Variants in MEI4 observed in about 807,000 individuals in gnomAD.
MEI4 encodes the protein meiosis-specific protein MEI4.
MEI4 carries 27 observed loss-of-function variants against 31.4 expected under a neutral mutation model. That is an observed-to-expected ratio of 0.86 (90% CI 0.63 to 1.19). The LOEUF is 1.19. MEI4 is among the 50% of genes most tolerant of loss of function. The pLI, the probability that MEI4 is intolerant of heterozygous loss-of-function variation, is 0.00. For synonymous variants in MEI4, 122 were observed against 145.4 expected (o/e 0.84, Z 1.16); for missense variants, 329 against 398.9 (o/e 0.82, Z 1.49).
intron 3 of MEI4, among the ~76,000 whole-genome samples, chr6:77,818,167 T>C (rs1457822083): frequency 6.6e-6 from 1 of 152,200 alleles, no homozygotes; most frequent in African/African-American, 2.4e-5. Context: ...CATTGCTGCC[T>C]AGCCTGTTTT....
intron 2 of MEI4, among the ~76,000 whole-genome samples, chr6:77,741,415 C>G (rs56773365): frequency 0.023 from 3,455 of 152,044 alleles, 135 homozygotes; most frequent in African/African-American, 0.078. Flanking sequence ...TAGAGGAGAA[C>G]AGAACCAGAA....
chr6:77,730,333 G>A (rs1766944014), intron 2 of MEI4, among the ~76,000 whole-genome samples: 1 of 152,076 alleles, frequency 6.6e-6, no homozygotes, highest in South Asian at 2.1e-4. Flanking sequence ...CCATGACTTT[G>A]ACCTTATTCT....
intron 2 of MEI4, among the ~76,000 whole-genome samples, chr6:77,745,713 C>G (rs865990840): frequency 2.6e-5 from 4 of 152,032 alleles, no homozygotes; most frequent in African/African-American, 7.2e-5. Flanking sequence ...TGACCACATA[C>G]TGGGAAGTAA....
chr6:77,917,711 G>T (rs1197530907), intron 4 of MEI4, among the ~76,000 whole-genome samples: 1 of 145,422 alleles, frequency 6.9e-6, no homozygotes, highest in Non-Finnish European at 1.5e-5. Context: ...CTCCCATTTT[G>T]TAGGTTGCCT....
At chr6:77,650,477 C>T (rs918457723), upstream of MEI4, among the ~76,000 whole-genome samples, 1 of 152,332 alleles carries the variant, frequency 6.6e-6, no homozygotes, top group East Asian at 1.9e-4. Context: ...ACCTGCGGGG[C>T]AGCACGTGGA....
intron 4 of MEI4, among the ~76,000 whole-genome samples, chr6:77,894,187 TTAAA>T (rs1443355791): frequency 1.3e-5 from 2 of 152,286 alleles, no homozygotes; most frequent in East Asian, 3.9e-4. Context: ...GTTTGAAATA[TTAAA>T]TAATATCATA....
chr6:77,906,624 C>T (rs530668482), intron 4 of MEI4, among the ~76,000 whole-genome samples: 1 of 152,232 alleles, frequency 6.6e-6, no homozygotes, highest in African/African-American at 2.4e-5. Flanking sequence ...AGTTTGCTAG[C>T]CCTTTTATAT....
intron 4 of MEI4, among the ~76,000 whole-genome samples, chr6:77,919,766 A>G (rs1188819301): frequency 1.3e-5 from 2 of 149,846 alleles, no homozygotes; most frequent in South Asian, 2.1e-4. Context: ...ACTAATAAAG[A>G]AAAAAAGAGA....
chr6:77,700,915 C>T (rs6917773), intron 2 of MEI4, among the ~76,000 whole-genome samples: 20,998 of 151,742 alleles, frequency 0.14, 1,537 homozygotes, highest in Middle Eastern at 0.21. Flanking sequence ...TACTTAAATG[C>T]GCTTTACTAA....
intron 3 of MEI4, among the ~76,000 whole-genome samples, chr6:77,788,083 C>T (rs938055930): frequency 1.3e-5 from 2 of 152,162 alleles, no homozygotes; most frequent in African/African-American, 4.8e-5. Context: ...ATGGTACCAG[C>T]AGGGCTGGTT....
intron 4 of MEI4, among the ~76,000 whole-genome samples, chr6:77,921,807 A>G (rs1181368913): frequency 1.3e-5 from 2 of 151,814 alleles, no homozygotes; most frequent in African/African-American, 4.8e-5. Flanking sequence ...AAGCAGTCAG[A>G]ACACACACAC....
chr6:77,736,734 G>A (rs1484768569), intron 2 of MEI4, among the ~76,000 whole-genome samples: 3 of 152,074 alleles, frequency 2.0e-5, no homozygotes, highest in Non-Finnish European at 2.9e-5. Context: ...CCTGCCCATA[G>A]CATCACACAG....
At chr6:77,780,173 T>A (rs930108722) in intron 3 of MEI4, among the ~76,000 whole-genome samples, 1 of 152,180 alleles carries the variant, frequency 6.6e-6, no homozygotes, top group Admixed American at 6.6e-5. Flanking sequence ...CTGGGAGGTT[T>A]GCATAGCTTC....
At chr6:77,732,559 C>T (rs1030429327) in intron 2 of MEI4, among the ~76,000 whole-genome samples, 6 of 152,004 alleles carry the variant, frequency 3.9e-5, no homozygotes, top group Non-Finnish European at 8.8e-5. Flanking sequence ...GATATACAAT[C>T]ATGTCATCTG....
At chr6:77,916,891 G>C (rs984871296) in intron 4 of MEI4, among the ~76,000 whole-genome samples, 4 of 151,180 alleles carry the variant, frequency 2.6e-5, no homozygotes, top group Admixed American at 2.6e-4. Flanking sequence ...CTAGCATTAG[G>C]TATATCTCCC....
chr6:77,665,690 G>A (rs566160458), intron 1 of MEI4, among the ~76,000 whole-genome samples: 1 of 152,286 alleles, frequency 6.6e-6, no homozygotes, highest in South Asian at 2.1e-4. Flanking sequence ...CGTGACCGGC[G>A]CCGGAGTTTT....
At chr6:77,756,370 T>G (rs559975236) in intron 2 of MEI4, among the ~76,000 whole-genome samples, 2 of 152,158 alleles carry the variant, frequency 1.3e-5, no homozygotes, top group Non-Finnish European at 2.9e-5. Context: ...ATTATTTACC[T>G]TATTAGGGAG....
intron 4 of MEI4, among the ~76,000 whole-genome samples, chr6:77,863,953 AC>A (rs1770944488): frequency 6.6e-6 from 1 of 152,174 alleles, no homozygotes; most frequent in Non-Finnish European, 1.5e-5. Flanking sequence ...AGAATTTTGA[AC>A]CCAGAATTTC....
At chr6:77,919,523 C>A (rs903621290) in intron 4 of MEI4, among the ~76,000 whole-genome samples, 28 of 151,848 alleles carry the variant, frequency 1.8e-4, no homozygotes, top group Non-Finnish European at 3.7e-4. Flanking sequence ...ATTTATAGCA[C>A]TAAATACCCA....
Sources: allele counts gnomAD v4.1 joint callset (sites outside exome capture counted in the v4.1 genomes callset), GRCh38; gene constraint gnomAD v4.1.1; transcripts MANE v1.5; gene names NCBI Gene and HGNC (gene_info 2026-07-23, HGNC 2026-07-21).